SENP7: variants seen among roughly 807,000 people sequenced by gnomAD.
SENP7 encodes the protein SUMO specific peptidase 7.
Under a neutral mutation model 141.2 loss-of-function variants are expected in SENP7, and 64 were observed. The ratio of observed to expected loss-of-function variants is 0.45; its 90% CI spans 0.37 to 0.56. The LOEUF is 0.56. SENP7 is among the 20% of genes least tolerant of loss of function. SENP7 has a pLI of 0.00. For missense variants in SENP7, 1,025 were observed against 1,212.2 expected (o/e 0.85, Z 2.29); for synonymous variants, 382 against 426.4 (o/e 0.90, Z 1.28).
intron 4 of SENP7, among the ~76,000 whole-genome samples, chr3:101,428,219 G>A (rs2107700958): frequency 1.3e-5 from 2 of 152,246 alleles, no homozygotes. Context: ...CCCAGTAATG[G>A]GATTGCTAGG....
intron 5 of SENP7, among the ~76,000 whole-genome samples, chr3:101,399,712 G>C (rs959147881): frequency 6.6e-6 from 1 of 152,120 alleles, no homozygotes; most frequent in South Asian, 2.1e-4. Flanking sequence ...CTGCAGCCTC[G>C]ATCTCCTGGC....
At chr3:101,488,176 T>G (rs1267120905) in intron 3 of SENP7, among the ~76,000 whole-genome samples, 1 of 152,146 alleles carries the variant, frequency 6.6e-6, no homozygotes, top group Admixed American at 6.6e-5. Flanking sequence ...TCTTTCACCT[T>G]CTTAGTCAAC....
At chr3:101,376,808 A>G (rs570486579) in intron 6 of SENP7, among the ~76,000 whole-genome samples, 2 of 152,356 alleles carry the variant, frequency 1.3e-5, no homozygotes, top group Admixed American at 6.5e-5. Flanking sequence ...AAAAGAAAAA[A>G]AAACAGAAGA....
rs1184914072 is a variant in SENP7, at chr3:101,488,839, G to C, written c.186+5034C>G. 2.6e-5 allele frequency among the ~76,000 whole-genome samples: 4 copies of C among 152,216 alleles called. 1 individual carries two copies. In the East Asian group the frequency reaches 7.7e-4, roughly 29 times the overall value. On this transcript the variant is annotated intron_variant, in intron 3 of 23. Transcript: ENST00000394095. ...CCTGGCGACAGAGAGAGCCTTGCCT[G>C]CGCCAAGGCACATCGTCATCAAATT...
intron 6 of SENP7, among the ~76,000 whole-genome samples, chr3:101,384,635 C>T (rs1422983024): frequency 6.6e-6 from 1 of 152,252 alleles, no homozygotes; most frequent in East Asian, 1.9e-4. Context: ...CCAGACCCAG[C>T]ACTCACTCGC....
Position 101,343,937 on chromosome 3 carries a change from T to C in SENP7, c.1855A>G (p.Ile619Val), listed in dbSNP as rs761847678. Residue 619 changes from isoleucine to valine, a missense_variant, in exon 14 of 24, where the codon ATT becomes GTT. Ile to Val is a conservative substitution (Grantham distance 29). This residue lies in a region of SENP7 where 228 missense variants were observed against 228.5 expected (regional missense o/e 1.00). Coordinates refer to ENST00000394095, the MANE Select transcript of SENP7 (RefSeq NM_020654.5). Reference protein sequence around the residue: ...LSQQSKSSEFIFLELHNPVSQ... With the variant: ...LSQQSKSSEFVFLELHNPVSQ... ...ACAGGATTGTGTAGTTCAAGGAAAA[T>C]GAATTCACTAGATTTTGCTACAAAA... 2 of 1,579,644 alleles carry C rather than the reference T, an allele frequency of 1.3e-6. No homozygotes were observed. The highest frequency in any genetic ancestry group is 1.7e-6 in the Non-Finnish European group (2 of 1,163,634).
At chr3:101,328,292 T>C (rs1345200832) in intron 22 of SENP7, among the ~76,000 whole-genome samples, 186 bp downstream of exon 22, 1 of 152,098 alleles carries the variant, frequency 6.6e-6, no homozygotes, top group East Asian at 1.9e-4. Context: ...TATAATCCTT[T>C]AGAAATATTA....
At chr3:101,340,050 A>G (rs1323495727) in intron 16 of SENP7, 45 bp downstream of exon 16, 1 of 1,487,730 alleles carries the variant, frequency 6.7e-7, no homozygotes, top group Non-Finnish European at 8.9e-7. Flanking sequence ...TAAGTTTCTC[A>G]GTAAAATCTG....
chr3:101,381,676 G>A (rs779303239), intron 6 of SENP7, among the ~76,000 whole-genome samples: 3 of 152,034 alleles, frequency 2.0e-5, no homozygotes, highest in East Asian at 1.9e-4. Flanking sequence ...AGAGTTAACC[G>A]TGCAAATGAG....
intron 5 of SENP7, among the ~76,000 whole-genome samples, chr3:101,401,389 T>G (rs1334677519): frequency 1.3e-5 from 2 of 151,640 alleles, no homozygotes; most frequent in Admixed American, 6.6e-5. Context: ...ATTAGCCAGG[T>G]GTGGTGGCAG....
chr3:101,479,060 T>C (rs1213550880), intron 3 of SENP7, among the ~76,000 whole-genome samples: 2 of 152,096 alleles, frequency 1.3e-5, no homozygotes, highest in Non-Finnish European at 2.9e-5. Context: ...CTCAGCAGGA[T>C]AAAGGTCATA....
At chr3:101,440,802 T>C (rs963199509) in intron 4 of SENP7, among the ~76,000 whole-genome samples, 2 of 152,102 alleles carry the variant, frequency 1.3e-5, no homozygotes, top group Admixed American at 1.3e-4. Context: ...ATTAAGAATA[T>C]TATAAATCAG....
chr3:101,412,062 A>G (rs1222894143), intron 5 of SENP7, among the ~76,000 whole-genome samples: 1 of 152,156 alleles, frequency 6.6e-6, no homozygotes, highest in African/African-American at 2.4e-5. Context: ...ATAACTTAAT[A>G]ATGCAGGGAA....
intron 6 of SENP7, among the ~76,000 whole-genome samples, chr3:101,382,961 A>G (rs1480585188): frequency 6.6e-6 from 1 of 152,226 alleles, no homozygotes; most frequent in East Asian, 1.9e-4. Flanking sequence ...GAGTTTTTAA[A>G]ATGAATAAGA....
chr3:101,463,404 T>TATATACAC (rs2063653226), intron 3 of SENP7, among the ~76,000 whole-genome samples: 1 of 110,318 alleles, frequency 9.1e-6, no homozygotes, highest in African/African-American at 3.7e-5. Flanking sequence ...TATACATATA[T>TATATACAC]ATATATATAT....
In SENP7 at chr3:101,412,741, C is replaced by T. The variant is rs906684614; in HGVS notation, c.482+4852G>A. Among the ~76,000 whole-genome samples, 18 of 152,142 alleles carry T rather than the reference C, an allele frequency of 1.2e-4. 1 individual carries two copies. In the East Asian group the frequency reaches 3.5e-3, roughly 29 times the overall value. On this transcript the variant is annotated intron_variant, in intron 5 of 23. Coordinates refer to ENST00000394095, the MANE Select transcript of SENP7 (RefSeq NM_020654.5). ...TTTCTCAAAAGCCTTGTATAAGTGT[C>T]CCACTAGGTTCTTTCTTTCCTATTG...
Position 101,457,750 on chromosome 3 carries a change from G to A in SENP7, c.284+1205C>T, listed in dbSNP as rs569552160. On this transcript the variant is annotated intron_variant, in intron 4 of 23. Coordinates refer to ENST00000394095, the MANE Select transcript of SENP7 (RefSeq NM_020654.5). Reference sequence around the variant, plus strand: ...TTCATCCTATCAGAGCAGATAAGGGGCCATGCAGAGAACTAGGGTTGGTGC... The same window carrying A: ...TTCATCCTATCAGAGCAGATAAGGGACCATGCAGAGAACTAGGGTTGGTGC... 13 of 780,648 alleles carry A rather than the reference G, an allele frequency of 1.7e-5. No homozygotes were observed. The South Asian group carries it at 2.1e-4, about 13-fold the overall frequency. 48.4% of individuals were successfully genotyped at this position (780,648 alleles called of 1,614,324 possible).
At chr3:101,349,434 G>A (rs2059556533) in intron 12 of SENP7, among the ~76,000 whole-genome samples, 1 of 152,144 alleles carries the variant, frequency 6.6e-6, no homozygotes, top group Non-Finnish European at 1.5e-5. Context: ...AACTTTAAAA[G>A]ATTATCTTTT....
intron 13 of SENP7, among the ~76,000 whole-genome samples, chr3:101,346,508 A>G (rs2059457190): frequency 6.6e-6 from 1 of 152,242 alleles, no homozygotes. Flanking sequence ...AAGCAGCCCA[A>G]ATGCCCATCA....
Sources: allele counts gnomAD v4.1 joint callset (sites outside exome capture counted in the v4.1 genomes callset), GRCh38; gene constraint gnomAD v4.1.1; regional missense constraint gnomAD v4.1.1; transcripts MANE v1.5; gene names NCBI Gene and HGNC (gene_info 2026-07-23, HGNC 2026-07-21).